Variants in KAZN observed in about 807,000 individuals in gnomAD.
KAZN encodes the protein kazrin.
Under a neutral mutation model 87.4 loss-of-function variants are expected in KAZN, and 40 were observed. The ratio of observed to expected loss-of-function variants is 0.46; its 90% CI spans 0.36 to 0.60. The LOEUF is 0.60. Ranked by LOEUF, KAZN falls within the 20% of genes least tolerant of loss-of-function variation. The probability of loss-of-function intolerance (pLI) is 0.00; values close to 1 mark genes in which losing one functional copy is unlikely to be tolerated. For missense variants in KAZN, 898 were observed against 1,073.9 expected, an observed-to-expected ratio of 0.84 and a Z score of 2.29; for synonymous variants, 466 against 458.3, an observed-to-expected ratio of 1.02 and a Z score of -0.22.
intron 1 of KAZN, among the ~76,000 whole-genome samples, chr1:14,829,284 G>A (rs1646987210): frequency 6.6e-6 from 1 of 152,222 alleles, no homozygotes; most frequent in Admixed American, 6.5e-5. Flanking sequence ...TATTTAATCA[G>A]TATCTAGTGG....
chr1:13,948,336 TCCC>T (rs1641220937), intron 1 of KAZN, among the ~76,000 whole-genome samples: 1 of 152,100 alleles, frequency 6.6e-6, no homozygotes, highest in African/African-American at 2.4e-5. Context: ...CCTATGCTGT[TCCC>T]CTGATAGTGA....
chr1:14,142,081 T>TATCTTCCTCTTTTCCTCCCTCCTTCCC (rs1178564633), intron 1 of KAZN, among the ~76,000 whole-genome samples: 1 of 151,906 alleles, frequency 6.6e-6, no homozygotes, highest in African/African-American at 2.4e-5. Flanking sequence ...CCTGCCTTGC[T>TATCTTCCTCTTTTCCTCCCTCCTTCCC]ATCTTCCTCT....
intron 2 of KAZN, among the ~76,000 whole-genome samples, chr1:14,510,273 G>C (rs1316675542): frequency 6.6e-6 from 1 of 151,978 alleles, no homozygotes; most frequent in Non-Finnish European, 1.5e-5. Flanking sequence ...AGCTACTCGG[G>C]TGGCAGAGGC....
At chr1:13,934,193 CCT>C (rs1188559145) in intron 1 of KAZN, among the ~76,000 whole-genome samples, 1 of 152,170 alleles carries the variant, frequency 6.6e-6, no homozygotes. Flanking sequence ...GCAACTGCTG[CCT>C]CTCTCTGCCA....
intron 1 of KAZN, among the ~76,000 whole-genome samples, chr1:14,887,496 T>C (rs1654202328): frequency 6.6e-6 from 1 of 152,210 alleles, no homozygotes; most frequent in South Asian, 2.1e-4. Context: ...CCAAACAAAC[T>C]TGACATTTCT....
At chr1:14,828,829 A>G (rs895485502) in intron 1 of KAZN, among the ~76,000 whole-genome samples, 1 of 152,174 alleles carries the variant, frequency 6.6e-6, no homozygotes, top group African/African-American at 2.4e-5. Flanking sequence ...TTGTTACTTC[A>G]TGGTCACAAG....
chr1:14,412,446 T>TG (rs1223653181), intron 2 of KAZN, among the ~76,000 whole-genome samples: 1 of 152,188 alleles, frequency 6.6e-6, no homozygotes, highest in Middle Eastern at 3.2e-3. Flanking sequence ...TCAGCAGTTT[T>TG]GCTGAGAACA....
intron 1 of KAZN, among the ~76,000 whole-genome samples, chr1:14,052,872 A>G (rs1244701808): frequency 5.3e-5 from 8 of 152,320 alleles, no homozygotes; most frequent in South Asian, 2.1e-4. Context: ...TCCTGTACCC[A>G]TCTGCAGGCT....
intron 1 of KAZN, among the ~76,000 whole-genome samples, chr1:14,007,188 C>T (rs1360205715): frequency 6.6e-6 from 1 of 152,028 alleles, no homozygotes; most frequent in Non-Finnish European, 1.5e-5. Flanking sequence ...ATTTTGTATC[C>T]TGCAACTTTA....
chr1:14,859,388 C>T (rs1650570691), intron 1 of KAZN, among the ~76,000 whole-genome samples: 1 of 152,080 alleles, frequency 6.6e-6, no homozygotes, highest in Non-Finnish European at 1.5e-5. Context: ...CACGGTCACG[C>T]AGCAGGAAGT....
At chr1:14,126,329 A>C (rs142960280) in intron 1 of KAZN, among the ~76,000 whole-genome samples, 5 of 146,284 alleles carry the variant, frequency 3.4e-5, no homozygotes, top group African/African-American at 1.3e-4. Context: ...TATTCCATGT[A>C]TCATAAAGGC....
intron 1 of KAZN, among the ~76,000 whole-genome samples, chr1:14,763,061 A>G (rs181979478): frequency 6.6e-6 from 1 of 152,292 alleles, no homozygotes; most frequent in East Asian, 1.9e-4. Flanking sequence ...CTGTTTTGAC[A>G]CCGAATCTTG....
chr1:14,646,718 T>A (rs1368123057), intron 1 of KAZN, among the ~76,000 whole-genome samples: 1 of 152,206 alleles, frequency 6.6e-6, no homozygotes, highest in Non-Finnish European at 1.5e-5. Context: ...TGGCTCCATG[T>A]CCATAGGAAC....
chr1:14,924,513 G>A, intron 1 of KAZN: 1 of 1,003,862 alleles, frequency 1.0e-6, no homozygotes, highest in Non-Finnish European at 1.2e-6. Context: ...GCGGGGCCCG[G>A]CGATCGGCCC....
intron 3 of KAZN, among the ~76,000 whole-genome samples, chr1:15,040,471 G>C (rs1672772414): frequency 6.6e-6 from 1 of 152,162 alleles, no homozygotes; most frequent in Non-Finnish European, 1.5e-5. Flanking sequence ...GGCCTGTCCA[G>C]AATGTGGCCG....
intron 2 of KAZN, among the ~76,000 whole-genome samples, chr1:14,483,287 C>T (rs1036285074): frequency 6.6e-6 from 1 of 152,144 alleles, no homozygotes; most frequent in Non-Finnish European, 1.5e-5. Flanking sequence ...ATGGGGCCCT[C>T]CTCCTCCATG....
chr1:14,258,336 C>T (rs1650728988), intron 2 of KAZN, among the ~76,000 whole-genome samples: 1 of 151,274 alleles, frequency 6.6e-6, no homozygotes, highest in Non-Finnish European at 1.5e-5. Context: ...CTGCCTCAGC[C>T]TCCCGAGTAG....
At chr1:14,304,550 T>A in intron 2 of KAZN, 1 of 398,198 alleles carries the variant, frequency 2.5e-6, no homozygotes, top group South Asian at 1.3e-4. Context: ...GTTTGGTCTA[T>A]TTCTTGGCCT....
At chr1:14,646,690 C>G (rs910026047) in intron 1 of KAZN, among the ~76,000 whole-genome samples, 5 of 152,148 alleles carry the variant, frequency 3.3e-5, no homozygotes, top group African/African-American at 1.2e-4. Flanking sequence ...TTATGAGAAA[C>G]AAAAATGTCT....
Sources: gnomAD v4.1 joint callset for allele counts (sites outside exome capture counted in the v4.1 genomes callset) on GRCh38, gnomAD v4.1.1 for gene constraint, MANE v1.5 for transcripts, NCBI Gene and HGNC (gene_info 2026-07-23, HGNC 2026-07-21) for gene names.